Variants in CAMK2B observed in about 807,000 individuals in gnomAD.
CAMK2B encodes calcium/calmodulin dependent protein kinase II beta, also known as calcium/calmodulin-dependent protein kinase type II subunit beta.
In CAMK2B, 27 loss-of-function variants were observed where a neutral mutation model predicts 93.7. The ratio of observed to expected loss-of-function variants is 0.29; its 90% CI spans 0.21 to 0.40. The LOEUF is 0.40. CAMK2B is among the 10% of genes least tolerant of loss of function. The pLI is 1.00. For missense variants in CAMK2B, 568 were observed against 895.8 expected, an observed-to-expected ratio of 0.63 and a Z score of 4.67; for synonymous variants, 374 against 358.8, an observed-to-expected ratio of 1.04 and a Z score of -0.48.
chr7:44,293,367 G>A (rs1380301554), intron 1 of CAMK2B, among the ~76,000 whole-genome samples: 1 of 152,354 alleles, frequency 6.6e-6, no homozygotes, highest in East Asian at 1.9e-4. Flanking sequence ...ATGCCCTGGT[G>A]AGGTTCACAG....
chr7:44,291,821 G>A lies in CAMK2B; in HGVS notation c.66-7596C>T, dbSNP rs184155058. On this transcript the variant is annotated intron_variant, in intron 1 of 23. Coordinates refer to ENST00000395749, the MANE Select transcript of CAMK2B (RefSeq NM_001220.5). ...GTTCACTTCCAAAAGCACAATTCAC[G>A]TCAGCAGCAATGGAAAACCATTCTT... Among the ~76,000 whole-genome samples the A allele has an allele frequency of 7.2e-5, 11 of 152,234 alleles. No individual in the cohort carries two copies. In the East Asian group the frequency reaches 1.4e-3, roughly 19 times the overall value.
chr7:44,309,309 C>T (rs1303065573), intron 1 of CAMK2B, among the ~76,000 whole-genome samples: 2 of 152,210 alleles, frequency 1.3e-5, no homozygotes, highest in Non-Finnish European at 2.9e-5. Flanking sequence ...AGGCCATCTG[C>T]GCTCCTGGCC....
At chr7:44,222,679 A>G (rs1231130015) in intron 20 of CAMK2B, among the ~76,000 whole-genome samples, 1 of 152,116 alleles carries the variant, frequency 6.6e-6, no homozygotes, top group African/African-American at 2.4e-5. Flanking sequence ...CCTAACCTCA[A>G]GTGATCTGCC....
At chr7:44,252,601 G>A (rs983927018) in intron 5 of CAMK2B, among the ~76,000 whole-genome samples, 3 of 151,928 alleles carry the variant, frequency 2.0e-5, no homozygotes, top group East Asian at 1.9e-4. Context: ...TGTGGGATCC[G>A]ATCTGCTGAT....
At chr7:44,280,268 A>T (rs149567903) in intron 2 of CAMK2B, among the ~76,000 whole-genome samples, 1 of 152,202 alleles carries the variant, frequency 6.6e-6, no homozygotes, top group Non-Finnish European at 1.5e-5. Flanking sequence ...GCTGCCCTGC[A>T]TGGGCCCACA....
intron 20 of CAMK2B, among the ~76,000 whole-genome samples, chr7:44,226,182 C>T (rs190779204): frequency 3.3e-5 from 5 of 152,202 alleles, no homozygotes; most frequent in East Asian, 1.9e-4. Flanking sequence ...CTAGCCCTTG[C>T]CACACGCGCA....
At chr7:44,298,021 G>A (rs1016556235) in intron 1 of CAMK2B, among the ~76,000 whole-genome samples, 1 of 152,216 alleles carries the variant, frequency 6.6e-6, no homozygotes, top group Non-Finnish European at 1.5e-5. Context: ...CTACTCAGGA[G>A]GCTGAGGCAG....
intron 1 of CAMK2B, among the ~76,000 whole-genome samples, chr7:44,315,593 T>C (rs1029876726): frequency 3.9e-5 from 6 of 152,204 alleles, no homozygotes; most frequent in Admixed American, 6.5e-5. Flanking sequence ...TAGGGCCAGG[T>C]TGTCAATTTT....
intron 1 of CAMK2B, among the ~76,000 whole-genome samples, chr7:44,284,732 A>T (rs762138641): frequency 1.5e-4 from 23 of 152,194 alleles, no homozygotes; most frequent in Admixed American, 3.3e-4. Context: ...GGGCAGTTAT[A>T]TTGGGATTTG....
intron 5 of CAMK2B, among the ~76,000 whole-genome samples, chr7:44,251,504 C>G (rs1376927882): frequency 6.6e-6 from 1 of 152,218 alleles, no homozygotes; most frequent in Non-Finnish European, 1.5e-5. Flanking sequence ...GGCTGTCGCA[C>G]CAGCAGGGCC....
At chr7:44,233,203 C>A (rs2096596112) in intron 15 of CAMK2B, among the ~76,000 whole-genome samples, 1 of 152,140 alleles carries the variant, frequency 6.6e-6, no homozygotes. Flanking sequence ...TTGAGGGGTT[C>A]TCCCTACCCT....
chr7:44,294,942 C>T (rs1236558159), intron 1 of CAMK2B, among the ~76,000 whole-genome samples: 2 of 152,190 alleles, frequency 1.3e-5, no homozygotes, highest in Admixed American at 6.5e-5. Flanking sequence ...CACTTTCTGT[C>T]CCACCTGGGA....
rs181028779 is a variant in CAMK2B, at chr7:44,240,654, G to T, written c.946+53C>A. 1.1e-5 allele frequency: 17 copies of T among 1,592,906 alleles called. No individual in the cohort carries two copies. In the Admixed American group the frequency reaches 1.7e-4, roughly 16 times the overall value. ...GGTGAGGAAGGAGGCGCTCTCCTGCGTGGGCCAGCAGGGAGGGGGCAGCGC... is the reference window on the plus strand; with the variant it reads ...GGTGAGGAAGGAGGCGCTCTCCTGCTTGGGCCAGCAGGGAGGGGGCAGCGC... On this transcript the variant is annotated intron_variant, in intron 12 of 23. Transcript: ENST00000395749.
intron 6 of CAMK2B, among the ~76,000 whole-genome samples, chr7:44,245,881 T>C (rs2096725014): frequency 6.6e-6 from 1 of 152,040 alleles, no homozygotes; most frequent in South Asian, 2.1e-4. Flanking sequence ...CCCCAGGGTC[T>C]GCACTGCTTG....
chr7:44,275,921 G>A (rs559776953), intron 2 of CAMK2B, among the ~76,000 whole-genome samples: 48 of 152,044 alleles, frequency 3.2e-4, no homozygotes, highest in African/African-American at 9.4e-4. Flanking sequence ...GGGAGGGGGC[G>A]TTTCCCAGGG....
intron 8 of CAMK2B, 68 bp from the exon 9 acceptor site, chr7:44,242,722 G>C: frequency 9.2e-7 from 1 of 1,092,194 alleles, no homozygotes; most frequent in East Asian, 2.5e-5. Flanking sequence ...CCCATGCCCT[G>C]CACCCTCACT....
chr7:44,279,334 A>G (rs986837029), intron 2 of CAMK2B, among the ~76,000 whole-genome samples: 20 of 152,222 alleles, frequency 1.3e-4, no homozygotes, highest in Non-Finnish European at 5.9e-5. Flanking sequence ...AAAGTTAAAT[A>G]GGAAAAAAAT....
intron 5 of CAMK2B, 85 bp from the exon 6 acceptor site, chr7:44,247,277 G>A (rs753254544): frequency 2.7e-6 from 3 of 1,123,232 alleles, no homozygotes; most frequent in Non-Finnish European, 4.0e-6. Context: ...ATGGTGCTGT[G>A]TGGCCTGGGG....
intron 1 of CAMK2B, among the ~76,000 whole-genome samples, chr7:44,309,603 T>G (rs768297650): frequency 1.3e-5 from 2 of 151,998 alleles, no homozygotes; most frequent in Non-Finnish European, 2.9e-5. Flanking sequence ...GACCCCAGGG[T>G]GCGGGTGTGG....
Sources: allele counts gnomAD v4.1 joint callset (sites outside exome capture counted in the v4.1 genomes callset), GRCh38; gene constraint gnomAD v4.1.1; transcripts MANE v1.5; gene names NCBI Gene and HGNC (gene_info 2026-07-23, HGNC 2026-07-21).